The following JAG2 variants were observed in gnomAD, a reference collection of about 807,000 sequenced individuals.
JAG2 encodes jagged canonical Notch ligand 2, also known as protein jagged-2.
In JAG2, 46 loss-of-function variants were observed where a neutral mutation model predicts 141.7. The observed-to-expected ratio is 0.32, with a 90% CI of 0.26 to 0.42. The LOEUF is 0.42. Ranked by LOEUF, JAG2 falls within the 10% of genes least tolerant of loss-of-function variation. JAG2 has a pLI of 1.00. For synonymous variants in JAG2, 862 were observed against 763.5 expected (o/e 1.13, Z -2.13); for missense variants, 1,500 against 1,817.5 (o/e 0.83, Z 3.18).
chr14:105,152,841 G>T (rs2140981891), intron 5 of JAG2, among the ~76,000 whole-genome samples: 1 of 152,208 alleles, frequency 6.6e-6, no homozygotes, highest in East Asian at 1.9e-4. Flanking sequence ...GGCTGGCCTG[G>T]GCCAGCCCTG....
At chr14:105,145,707 C>G in intron 23 of JAG2, 24 bp downstream of exon 23, 2 of 1,579,688 alleles carry the variant, frequency 1.3e-6, no homozygotes, top group African/African-American at 1.3e-5. Context: ...CCTCTGCAAG[C>G]TCAGATGCCA....
intron 2 of JAG2, among the ~76,000 whole-genome samples, chr14:105,164,498 C>G (rs1352685882): frequency 2.6e-5 from 4 of 152,194 alleles, no homozygotes; most frequent in African/African-American, 9.7e-5. Context: ...ACAGGATCCC[C>G]TGAAGGTAGG....
At position 105,148,108 on chromosome 14, in the gene JAG2, C is replaced by T. The variant is rs1234312996; in HGVS notation, c.2248+8G>A. ...CCGGCGGTCGCAGAGGCAGCGGGGG[C>T]TCCTCACCGACGGCGCAGGTGCTGC... is the stretch of plus-strand genomic sequence containing the variant. On this transcript the variant is annotated splice_region_variant and intron_variant, in intron 17 of 25. Coordinates refer to ENST00000331782, the MANE Select transcript of JAG2 (RefSeq NM_002226.5). 6.5e-7 allele frequency: 1 copy of T among 1,540,870 alleles called. No homozygotes were observed. The highest frequency in any genetic ancestry group is 1.2e-5 in the South Asian group (1 of 83,778).
intron 2 of JAG2, among the ~76,000 whole-genome samples, chr14:105,164,895 G>A (rs1018564163): frequency 1.3e-5 from 2 of 152,114 alleles, no homozygotes; most frequent in Non-Finnish European, 2.9e-5. Context: ...AGGACCTCAG[G>A]CCTCCTGAGC....
At chr14:105,157,858 G>T in intron 2 of JAG2, 95 bp from the exon 3 acceptor site, 1 of 1,150,798 alleles carries the variant, frequency 8.7e-7, no homozygotes, top group Non-Finnish European at 1.3e-6. Flanking sequence ...GCTGCCCCTG[G>T]GTCTGCCAGG....
Position 105,145,759 on chromosome 14 carries a change from A to C in JAG2, c.2924T>G (p.Leu975Trp), listed in dbSNP as rs1408169039. Reference sequence around the variant, plus strand: ...GGGCACGTGGTCACGGTTGAAATGCAAGGTGAGGCGGGCACAGTTATTGTC... The same window carrying C: ...GGGCACGTGGTCACGGTTGAAATGCCAGGTGAGGCGGGCACAGTTATTGTC... ...HLDNNCARLT[L>W]HFNRDHVPQG... The change falls in exon 23 of 26, where the codon TTG (leucine) becomes TGG (tryptophan). Residue 975 changes from leucine (L) to tryptophan (W), a missense_variant. Transcript: ENST00000331782. 1 of 1,597,206 alleles carries C rather than the reference A, an allele frequency of 6.3e-7. No homozygotes were observed. Among genetic ancestry groups the C allele is most frequent in the African/African-American group, 1.3e-5 (1 of 74,616 alleles).
chr14:105,145,147 G>A (rs970969038), intron 23 of JAG2, 86 bp from the exon 24 acceptor site: 50 of 1,556,256 alleles, frequency 3.2e-5, no homozygotes, highest in Non-Finnish European at 3.9e-5. Context: ...GGTACACGTG[G>A]GACACACCCT....
intron 5 of JAG2, among the ~76,000 whole-genome samples, chr14:105,153,453 A>G (rs1888496179): frequency 6.6e-6 from 1 of 152,222 alleles, no homozygotes; most frequent in South Asian, 2.1e-4. Context: ...GAGCGGCCAC[A>G]GCCGGGCTCA....
At chr14:105,164,706 AGAGGGTAGG>A (rs1888859069) in intron 2 of JAG2, among the ~76,000 whole-genome samples, 2 of 152,042 alleles carry the variant, frequency 1.3e-5, no homozygotes, top group Admixed American at 1.3e-4. Flanking sequence ...GGGGCAAAGG[AGAGGGTAGG>A]GAAGGCTGGG....
At position 105,147,924 on chromosome 14, in the gene JAG2, G is replaced by A. The variant is rs762197201; in HGVS notation, c.2249-36C>T. The A allele has an allele frequency of 2.8e-5, 41 of 1,485,938 alleles. 1 individual carries two copies. The South Asian group carries it at 4.8e-4, about 18-fold the overall frequency. The allele number at this position is 1,485,938 out of a possible 1,614,324, so 92.0% of individuals were successfully genotyped here. On this transcript the variant is annotated intron_variant, in intron 17 of 25. Transcript: ENST00000331782. ...AGGAGGAGGAGGGAGCGTCTCACCT[G>A]GCCCTGGGCTGGCCCTGGGTCTCCA...
Position 105,155,775 on chromosome 14 carries a change from G to A in JAG2, c.690C>T (p.Ala230=). The change falls in exon 4 of 26, where the codon GCC becomes GCT. Residue 230 remains alanine, a synonymous_variant. Transcript: ENST00000331782. Reference sequence around the variant, plus strand: ...CCTTGCCCATCCAGCCGTCCATGCAGGCCTTGTTGCCGTACTGGTCGCAGG... The same window carrying A: ...CCTTGCCCATCCAGCCGTCCATGCAAGCCTTGTTGCCGTACTGGTCGCAGG... ...HYTCDQYGNK[A]CMDGWMGKEC... The A allele has an allele frequency of 2.5e-6, 4 of 1,612,990 alleles. No individual in the cohort carries two copies. Among genetic ancestry groups the A allele is most frequent in the Non-Finnish European group, 3.4e-6 (4 of 1,179,942 alleles).
chr14:105,142,014 GCA>G lies in JAG2; in HGVS notation c.*679_*680del, dbSNP rs1220962676. On this transcript the variant is annotated 3_prime_UTR_variant, in exon 26 of 26. Coordinates refer to ENST00000331782, the MANE Select transcript of JAG2 (RefSeq NM_002226.5). ...GAGCGGGCGTTCTGGGCAGGAGGAA[GCA>G]CAGACGGCAGGCAGGGTGGACTGGC... 1 of 152,914 alleles carries G rather than the reference GCA, an allele frequency of 6.5e-6. No individual in the cohort carries two copies. Among genetic ancestry groups the G allele is most frequent in the Non-Finnish European group, 1.5e-5 (1 of 68,378 alleles). 9.5% of individuals were successfully genotyped at this position (152,914 alleles called of 1,614,324 possible). A position where few individuals can be genotyped will look rare whatever the true frequency, so the allele number is the denominator to read the frequency against.
At chr14:105,159,815 CCA>C (rs1888685183) in intron 2 of JAG2, among the ~76,000 whole-genome samples, 1 of 33,594 alleles carries the variant, frequency 3.0e-5, no homozygotes, top group African/African-American at 1.6e-4. Flanking sequence ...ACACCCCCCC[CCA>C]GAGCTCTGTC....
Position 105,168,094 on chromosome 14 carries a change from A to G in JAG2, c.80T>C (p.Met27Thr), listed in dbSNP as rs1888977630. The G allele has an allele frequency of 6.4e-7, 1 of 1,560,138 alleles. No individual in the cohort carries two copies. Among genetic ancestry groups the G allele is most frequent in the Non-Finnish European group, 8.6e-7 (1 of 1,162,530 alleles). ...GCTCAGCTGCAGCTCGAAATAGCCC[A>G]TGGGCCGCGCCGCCTAAAAATAAGG... ...LALWVQAARP[M>T]GYFELQLSAL... The change falls in exon 2 of 26, where the codon ATG becomes ACG. Residue 27 changes from methionine (M) to threonine (T), a missense_variant. Around this residue, in one of 3 missense-constraint regions of JAG2, gnomAD observed 200 missense variants for 174.3 expected, o/e 1.15. Transcript: ENST00000331782.
intron 18 of JAG2, 113 bp from the exon 19 acceptor site, chr14:105,147,640 G>A: frequency 8.2e-7 from 1 of 1,224,694 alleles, no homozygotes; most frequent in South Asian, 1.3e-5. Flanking sequence ...GGTCATCAAG[G>A]AGGGTGCCTT....
chr14:105,143,653 G>T lies in JAG2; in HGVS notation c.3085-15C>A, dbSNP rs139094933. On this transcript the variant is annotated splice_polypyrimidine_tract_variant and intron_variant, in intron 24 of 25. Transcript: ENST00000331782. ...GGGCTGAAGGACTGCGGCAAAGAACGGCATTGTGGGGATGGCTCGAGGGCT... is the reference window on the plus strand; with the variant it reads ...GGGCTGAAGGACTGCGGCAAAGAACTGCATTGTGGGGATGGCTCGAGGGCT... 1,501 of 1,605,026 alleles carry T rather than the reference G, an allele frequency of 9.4e-4. 2 individuals are homozygous for T. Among genetic ancestry groups the T allele is most frequent in the Non-Finnish European group, 1.2e-3 (1,408 of 1,179,618 alleles).
intron 9 of JAG2, 28 bp downstream of exon 9, chr14:105,151,254 GT>G: frequency 6.3e-7 from 1 of 1,593,228 alleles, no homozygotes; most frequent in Non-Finnish European, 8.6e-7. Flanking sequence ...CGCGGCCCAC[GT>G]TCCCATGCAC....
intron 12 of JAG2, 85 bp downstream of exon 12, chr14:105,150,519 C>G: frequency 7.3e-7 from 1 of 1,362,280 alleles, no homozygotes; most frequent in Non-Finnish European, 9.9e-7. Flanking sequence ...ACCCCTGGGT[C>G]ACTCAGGCCC....
intron 24 of JAG2, 135 bp downstream of exon 24, chr14:105,144,795 C>G: frequency 4.2e-6 from 5 of 1,179,298 alleles, no homozygotes; most frequent in East Asian, 2.6e-5. Context: ...AGCGAGGGGC[C>G]GCAGGGAGAC....
Sources: allele counts gnomAD v4.1 joint callset (sites outside exome capture counted in the v4.1 genomes callset), GRCh38; gene constraint gnomAD v4.1.1; regional missense constraint gnomAD v4.1.1; transcripts MANE v1.5; gene names NCBI Gene and HGNC (gene_info 2026-07-23, HGNC 2026-07-21).